HDGFL3: variants seen among roughly 807,000 people sequenced by gnomAD.
HDGFL3 encodes hepatoma-derived growth factor-related protein 3.
Under a neutral mutation model 27.6 loss-of-function variants are expected in HDGFL3, and 6 were observed. That is an observed-to-expected ratio of 0.22 (90% confidence interval 0.12 to 0.43). The LOEUF is 0.43. HDGFL3 is among the 20% of genes least tolerant of loss of function. The pLI is 1.00. For synonymous variants in HDGFL3, 88 were observed against 88.9 expected, an observed-to-expected ratio of 0.99 and a Z score of 0.05; for missense variants, 207 against 250.1, an observed-to-expected ratio of 0.83 and a Z score of 1.16.
intron 3 of HDGFL3, among the ~76,000 whole-genome samples, chr15:83,116,310 TACCCAACA>T (rs1238954467): frequency 3.9e-5 from 6 of 152,194 alleles, no homozygotes; most frequent in African/African-American, 1.4e-4. Flanking sequence ...ATTTGTAAAG[TACCCAACA>T]CAGAGGCACT....
chr15:83,190,456 C>G (rs1041170211), intron 1 of HDGFL3, among the ~76,000 whole-genome samples: 6 of 152,262 alleles, frequency 3.9e-5, no homozygotes, highest in African/African-American at 1.2e-4. Context: ...TCACCCATAT[C>G]CTCTTTAACA....
rs1329143734 is a variant in HDGFL3, at chr15:83,132,781, G to C, written c.*6489C>G. 3 of 152,058 alleles carry C rather than the reference G, an allele frequency of 2.0e-5. No homozygotes were observed. The highest frequency in any genetic ancestry group is 4.8e-5 in the African/African-American group (2 of 41,398). 9.4% of individuals were successfully genotyped at this position (152,058 alleles called of 1,614,324 possible). A position where few individuals can be genotyped will look rare whatever the true frequency, so the allele number is the denominator to read the frequency against. On this transcript the variant is annotated 3_prime_UTR_variant, in exon 6 of 6. Coordinates refer to ENST00000299633, the MANE Select transcript of HDGFL3 (RefSeq NM_016073.4). ...GTTTAGGAAGAACACGGATAGTTGG[G>C]ATACTAATGCAAATCTTGTTTTCTT... is the stretch of plus-strand genomic sequence containing the variant.
chr15:83,166,949 A>T (rs1034833451), intron 1 of HDGFL3, among the ~76,000 whole-genome samples: 6 of 152,262 alleles, frequency 3.9e-5, no homozygotes, highest in Non-Finnish European at 7.3e-5. Flanking sequence ...ACAAATCAAC[A>T]TATGGGCAGG....
chr15:83,136,337 G>A lies in HDGFL3; in HGVS notation c.*2933C>T, dbSNP rs2036603433. The A allele has an allele frequency of 5.6e-6, 3 of 537,050 alleles. No homozygotes were observed. The highest frequency in any genetic ancestry group is 8.3e-5 in the South Asian group (2 of 24,096). 33.3% of individuals were successfully genotyped at this position (537,050 alleles called of 1,614,324 possible). ...GAAAGACTCTGACATTAAAGACTCT[G>A]GATTGTTTGAAGGTATTTTGCCTGC... On this transcript the variant is annotated 3_prime_UTR_variant, in exon 6 of 6. Coordinates refer to ENST00000299633, the MANE Select transcript of HDGFL3 (RefSeq NM_016073.4).
intron 5 of HDGFL3, among the ~76,000 whole-genome samples, chr15:83,139,689 G>A (rs529242256): frequency 6.6e-6 from 1 of 152,248 alleles, no homozygotes; most frequent in East Asian, 1.9e-4. Context: ...CTTAGAGTGT[G>A]CACCAATTAA....
chr15:83,142,117 C>T (rs969700541), intron 5 of HDGFL3, among the ~76,000 whole-genome samples: 1 of 152,120 alleles, frequency 6.6e-6, no homozygotes, highest in Admixed American at 6.5e-5. Flanking sequence ...TAGGGCAATT[C>T]CTCAAAGAGC....
chr15:83,138,200 G>A lies in HDGFL3; in HGVS notation c.*1070C>T, dbSNP rs1165021656. Reference sequence around the variant, plus strand: ...GTACACATTCCAATAAATTTATTCTGTAAAAACAATACATTTTTTTGTTTT... The same window carrying A: ...GTACACATTCCAATAAATTTATTCTATAAAAACAATACATTTTTTTGTTTT... On this transcript the variant is annotated 3_prime_UTR_variant, in exon 6 of 6. Transcript: ENST00000299633. The A allele has an allele frequency of 6.6e-6, 1 of 152,436 alleles. No homozygotes were observed. The highest frequency in any genetic ancestry group is 1.5e-5 in the Non-Finnish European group (1 of 67,964). The allele number at this position is 152,436 out of a possible 1,614,324, so 9.4% of individuals were successfully genotyped here. A position where few individuals can be genotyped will look rare whatever the true frequency, so the allele number is the denominator to read the frequency against.
chr15:83,168,370 G>C (rs964082248), intron 1 of HDGFL3, among the ~76,000 whole-genome samples: 10 of 152,046 alleles, frequency 6.6e-5, no homozygotes, highest in Non-Finnish European at 1.2e-4. Flanking sequence ...ACCAAAAGCT[G>C]GTTCTTTGAA....
intron 1 of HDGFL3, among the ~76,000 whole-genome samples, chr15:83,164,418 T>C (rs2037140684): frequency 6.6e-6 from 1 of 151,256 alleles, no homozygotes; most frequent in African/African-American, 2.4e-5. Flanking sequence ...TGTACTTCTT[T>C]TGAGTAACAG....
chr15:83,151,007 T>C (rs897020447), intron 5 of HDGFL3, among the ~76,000 whole-genome samples: 2 of 152,222 alleles, frequency 1.3e-5, no homozygotes, highest in East Asian at 1.9e-4. Context: ...GAGATCCAAA[T>C]TGACAGGCAG....
At position 83,197,837 on chromosome 15, in the gene HDGFL3, C is replaced by G. The variant is rs573313357; in HGVS notation, c.84+9494G>C. Among the ~76,000 whole-genome samples the G allele has an allele frequency of 8.0e-4, 121 of 151,806 alleles. 1 individual carries two copies. Among genetic ancestry groups the G allele is most frequent in the African/African-American group, 2.8e-3 (117 of 41,386 alleles). ...TCCCAGCACTTTGGGAGTTCGAGAC[C>G]AGCCTGCCCAACATGGCAAAACCCC... On this transcript the variant is annotated intron_variant, in intron 1 of 5. Transcript: ENST00000299633.
At chr15:83,203,115 T>C (rs2037669247) in intron 1 of HDGFL3, among the ~76,000 whole-genome samples, 1 of 152,120 alleles carries the variant, frequency 6.6e-6, no homozygotes, top group African/African-American at 2.4e-5. Context: ...TATTTGATAA[T>C]TCTCATATAA....
chr15:83,161,977 A>G (rs894464360), intron 2 of HDGFL3, among the ~76,000 whole-genome samples: 2 of 152,186 alleles, frequency 1.3e-5, no homozygotes, highest in South Asian at 2.1e-4. Flanking sequence ...AGTCACCTAC[A>G]TCAGAATTAG....
At chr15:83,206,373 A>G (rs999204289) in intron 1 of HDGFL3, among the ~76,000 whole-genome samples, 1 of 152,228 alleles carries the variant, frequency 6.6e-6, no homozygotes, top group Non-Finnish European at 1.5e-5. Flanking sequence ...CCTTTTCACA[A>G]GATTTCTTAT....
At chr15:83,201,779 A>G (rs1446191501) in intron 1 of HDGFL3, among the ~76,000 whole-genome samples, 2 of 152,306 alleles carry the variant, frequency 1.3e-5, no homozygotes, top group South Asian at 4.1e-4. Flanking sequence ...AAACGGGAGC[A>G]TCGGAAAATG....
At chr15:83,192,991 G>A (rs72758320) in intron 1 of HDGFL3, among the ~76,000 whole-genome samples, 1 of 152,186 alleles carries the variant, frequency 6.6e-6, no homozygotes, top group Non-Finnish European at 1.5e-5. Context: ...TCCATGTAAC[G>A]CCATGTCACC....
chr15:83,120,829 G>A (rs1201333446), intron 3 of HDGFL3, among the ~76,000 whole-genome samples: 2 of 151,178 alleles, frequency 1.3e-5, no homozygotes, highest in Admixed American at 6.6e-5. Flanking sequence ...GCCTCCCAAA[G>A]TGCTGGGATT....
intron 5 of HDGFL3, among the ~76,000 whole-genome samples, chr15:83,144,037 C>A (rs749339039): frequency 2.6e-5 from 4 of 152,158 alleles, no homozygotes; most frequent in East Asian, 3.9e-4. Flanking sequence ...GATTCTCAGA[C>A]CTTCCCCTCC....
At chr15:83,188,070 A>G (rs1426129932) in intron 1 of HDGFL3, among the ~76,000 whole-genome samples, 1 of 152,182 alleles carries the variant, frequency 6.6e-6, no homozygotes, top group Non-Finnish European at 1.5e-5. Context: ...CATTTCAACC[A>G]AAGTATGAAA....
Sources: allele counts gnomAD v4.1 joint callset (sites outside exome capture counted in the v4.1 genomes callset), GRCh38; gene constraint gnomAD v4.1.1; transcripts MANE v1.5; gene names NCBI Gene and HGNC (gene_info 2026-07-23, HGNC 2026-07-21).